Variants in UVRAG observed in about 807,000 individuals in gnomAD.
The protein encoded by UVRAG is UV radiation resistance associated, also known as UV radiation resistance-associated gene protein.
Under a neutral mutation model 78.0 loss-of-function variants are expected in UVRAG, and 19 were observed. The ratio of observed to expected loss-of-function variants is 0.24; its 90% confidence interval spans 0.17 to 0.36. The LOEUF (loss-of-function observed/expected upper bound fraction) is 0.36, where lower values mean the gene tolerates loss of function less well. Among genes scored for constraint, UVRAG ranks in the 10% least tolerant of loss-of-function variants. The pLI, the probability that UVRAG is intolerant of heterozygous loss-of-function variation, is 1.00. For synonymous variants in UVRAG, 323 were observed against 324.6 expected (o/e 1.00, Z 0.05); for missense variants, 740 against 853.8 (o/e 0.87, Z 1.66).
At chr11:76,115,428 C>T (rs1952159811) in intron 13 of UVRAG, among the ~76,000 whole-genome samples, 1 of 152,168 alleles carries the variant, frequency 6.6e-6, no homozygotes, top group Non-Finnish European at 1.5e-5. Flanking sequence ...CAGCACTATG[C>T]CAGACACTAT....
chr11:76,061,232 A>G (rs1323777324), intron 12 of UVRAG, among the ~76,000 whole-genome samples: 1 of 152,168 alleles, frequency 6.6e-6, no homozygotes, highest in Admixed American at 6.5e-5. Context: ...GACACTCTGT[A>G]TCTAGCTCAT....
chr11:76,027,914 G>A (rs540098439), intron 12 of UVRAG, among the ~76,000 whole-genome samples: 4 of 152,178 alleles, frequency 2.6e-5, no homozygotes, highest in African/African-American at 9.6e-5. Flanking sequence ...ATAAAAACTG[G>A]TGTAGGTCTG....
intron 2 of UVRAG, among the ~76,000 whole-genome samples, chr11:75,858,547 T>C (rs1435001745): frequency 6.6e-6 from 1 of 152,238 alleles, no homozygotes; most frequent in Non-Finnish European, 1.5e-5. Context: ...TCTTTTGCTA[T>C]ACACACAGTA....
At chr11:75,860,044 A>C (rs544780174) in intron 2 of UVRAG, among the ~76,000 whole-genome samples, 27 of 152,370 alleles carry the variant, frequency 1.8e-4, no homozygotes, top group Middle Eastern at 3.4e-3. Flanking sequence ...TTCTGGGTTC[A>C]AGTGATTGTA....
intron 7 of UVRAG, among the ~76,000 whole-genome samples, chr11:75,982,183 C>T (rs572838560): frequency 5.3e-5 from 8 of 152,282 alleles, no homozygotes; most frequent in Admixed American, 2.0e-4. Flanking sequence ...AGCTGGCTTC[C>T]TCTGAGACCT....
At chr11:76,088,568 A>G (rs192891377) in intron 13 of UVRAG, among the ~76,000 whole-genome samples, 1 of 144,630 alleles carries the variant, frequency 6.9e-6, no homozygotes, top group East Asian at 2.0e-4. Flanking sequence ...CTTCTCTCTC[A>G]CGTTTCAGCC....
intron 7 of UVRAG, among the ~76,000 whole-genome samples, chr11:75,975,489 T>C (rs1408326961): frequency 2.0e-5 from 3 of 152,244 alleles, no homozygotes; most frequent in African/African-American, 7.2e-5. Flanking sequence ...TGATTCTTCC[T>C]ATCCATGAGC....
intron 9 of UVRAG, among the ~76,000 whole-genome samples, chr11:76,006,090 G>A (rs1351427588): frequency 5.9e-5 from 9 of 152,088 alleles, no homozygotes; most frequent in African/African-American, 2.2e-4. Flanking sequence ...GGCTGTCTAG[G>A]AGCCCCTGCC....
rs142827087 is a variant in UVRAG at position 75,986,286 on chromosome 11, C to T, written c.826+2773C>T. ...TTCCCATGATTCATTGAATTTATTT[C>T]TATTTTTTGTTGTTTTATGATACTA... On this transcript the variant is annotated intron_variant, in intron 8 of 14. Coordinates refer to ENST00000356136, the MANE Select transcript of UVRAG (RefSeq NM_003369.4). Among the ~76,000 whole-genome samples the T allele has an allele frequency of 4.2e-3, 635 of 152,010 alleles. 4 individuals carry two copies. Among genetic ancestry groups the T allele is most frequent in the African/African-American group, 0.015 (611 of 41,474 alleles).
intron 12 of UVRAG, among the ~76,000 whole-genome samples, chr11:76,036,839 G>C (rs146099174): frequency 6.6e-6 from 1 of 151,740 alleles, no homozygotes; most frequent in African/African-American, 2.4e-5. Context: ...TAAAAGGTAG[G>C]TGGAATAGTC....
chr11:75,854,710 C>G (rs1203856561), intron 2 of UVRAG, among the ~76,000 whole-genome samples: 2 of 152,208 alleles, frequency 1.3e-5, no homozygotes, highest in Admixed American at 1.3e-4. Context: ...AGCCACTGTG[C>G]TTGGCCTGAA....
intron 5 of UVRAG, among the ~76,000 whole-genome samples, chr11:75,891,025 G>A (rs982551525): frequency 4.6e-5 from 7 of 152,086 alleles, no homozygotes; most frequent in African/African-American, 1.7e-4. Context: ...ATTGGATTTA[G>A]CAAAATGGAA....
intron 13 of UVRAG, among the ~76,000 whole-genome samples, chr11:76,078,047 G>A (rs1417892146): frequency 6.6e-6 from 1 of 152,192 alleles, no homozygotes; most frequent in East Asian, 1.9e-4. Context: ...TGCAGTGCTA[G>A]CTAGTTCAGA....
At chr11:75,852,237 G>A (rs1266472671) in intron 2 of UVRAG, among the ~76,000 whole-genome samples, 1 of 152,158 alleles carries the variant, frequency 6.6e-6, no homozygotes, top group Non-Finnish European at 1.5e-5. Context: ...ATGAATGTTA[G>A]CTATTAATGG....
chr11:75,842,442 C>CTTTTT (rs11316075), intron 1 of UVRAG, among the ~76,000 whole-genome samples: 1 of 134,234 alleles, frequency 7.4e-6, no homozygotes. Flanking sequence ...CCTTTTCTTT[C>CTTTTT]TTTTTTTTTT....
At chr11:75,828,731 G>GTATATATATATATATACACACACATATA (rs1945579170) in intron 1 of UVRAG, among the ~76,000 whole-genome samples, 3 of 110,808 alleles carry the variant, frequency 2.7e-5, no homozygotes, top group South Asian at 2.9e-4. Context: ...ATGTGTGTGT[G>GTATATATATATATATACACACACATATA]TATATATATA....
At chr11:76,086,144 G>A (rs555152032) in intron 13 of UVRAG, among the ~76,000 whole-genome samples, 1 of 152,170 alleles carries the variant, frequency 6.6e-6, no homozygotes, top group Non-Finnish European at 1.5e-5. Flanking sequence ...TAAAATTCGG[G>A]CCTGTTAATG....
chr11:75,909,512 CT>C (rs967141760), intron 5 of UVRAG, among the ~76,000 whole-genome samples: 1 of 151,850 alleles, frequency 6.6e-6, no homozygotes, highest in Admixed American at 6.6e-5. Context: ...CAATGTTGAT[CT>C]TTTTAAAAAA....
At chr11:75,915,830 A>G (rs576664105) in intron 6 of UVRAG, among the ~76,000 whole-genome samples, 1 of 152,264 alleles carries the variant, frequency 6.6e-6, no homozygotes, top group South Asian at 2.1e-4. Flanking sequence ...GAAAGATTAT[A>G]AAGAGAGGAG....
Sources: gnomAD v4.1 joint callset for allele counts (sites outside exome capture counted in the v4.1 genomes callset) on GRCh38, gnomAD v4.1.1 for gene constraint, MANE v1.5 for transcripts, NCBI Gene and HGNC (gene_info 2026-07-23, HGNC 2026-07-21) for gene names.